The following NOX4 variants were observed in gnomAD, a reference collection of about 807,000 sequenced individuals.
NOX4 encodes NADPH oxidase 4.
Under a neutral mutation model 87.6 loss-of-function variants are expected in NOX4, and 69 were observed. The observed-to-expected ratio is 0.79, with a 90% CI of 0.65 to 0.96. The LOEUF (loss-of-function observed/expected upper bound fraction) is 0.96. NOX4 is among the 40% of genes least tolerant of loss of function. The probability of loss-of-function intolerance (pLI) is 0.00; values close to 1 mark genes in which losing one functional copy is unlikely to be tolerated. For missense variants in NOX4, 680 were observed against 681.5 expected (o/e 1.00, Z 0.02); for synonymous variants, 275 against 238.2 (o/e 1.15, Z -1.42).
intron 15 of NOX4, among the ~76,000 whole-genome samples, chr11:89,337,743 G>T (rs1293798553): frequency 6.6e-6 from 1 of 151,966 alleles, no homozygotes; most frequent in Non-Finnish European, 1.5e-5. Flanking sequence ...TGGTGGTAGT[G>T]GTAGGGAATA....
At chr11:89,497,399 C>T (rs1434498862) in intron 1 of NOX4, among the ~76,000 whole-genome samples, 14 of 65,312 alleles carry the variant, frequency 2.1e-4, no homozygotes, top group African/African-American at 5.7e-4. Flanking sequence ...TATGATTGGA[C>T]TTCTATAGTC....
chr11:89,496,922 G>C (rs1591385645), upstream of NOX4, among the ~76,000 whole-genome samples: 1 of 152,120 alleles, frequency 6.6e-6, no homozygotes, highest in Admixed American at 6.5e-5. Flanking sequence ...ACAGAACTGA[G>C]GCATATGCAC....
the NOX4 span, among the ~76,000 whole-genome samples, chr11:89,554,277 T>A: frequency 6.6e-6 from 1 of 152,228 alleles, no homozygotes; most frequent in South Asian, 2.1e-4. Flanking sequence ...TGAAAAATTC[T>A]TTTCACCATG....
At chr11:89,470,790 T>A (rs1167469320) in intron 2 of NOX4, among the ~76,000 whole-genome samples, 2 of 152,192 alleles carry the variant, frequency 1.3e-5, no homozygotes, top group Non-Finnish European at 2.9e-5. Context: ...ACCATTAGGC[T>A]ACTTGGCTAC....
intron 17 of NOX4, among the ~76,000 whole-genome samples, chr11:89,335,577 T>C (rs565863760): frequency 2.0e-5 from 3 of 151,908 alleles, no homozygotes; most frequent in South Asian, 2.1e-4. Context: ...ATTTTTAATA[T>C]AGGCCTATAC....
chr11:89,405,474 G>C (rs1030145793), intron 8 of NOX4, among the ~76,000 whole-genome samples: 10 of 151,652 alleles, frequency 6.6e-5, no homozygotes, highest in Non-Finnish European at 1.3e-4. Flanking sequence ...TTTATTTCAA[G>C]ACTATAGTAA....
chr11:89,442,478 T>C (rs1043264580), intron 5 of NOX4, among the ~76,000 whole-genome samples: 3 of 152,114 alleles, frequency 2.0e-5, no homozygotes, highest in African/African-American at 7.2e-5. Flanking sequence ...TCTAAATGTC[T>C]GAATAAGAAA....
chr11:89,353,291 G>A (rs1290458368), intron 13 of NOX4, among the ~76,000 whole-genome samples: 2 of 152,122 alleles, frequency 1.3e-5, no homozygotes, highest in African/African-American at 4.8e-5. Context: ...AAAAGGAAGA[G>A]CCAACTGATG....
the NOX4 span, among the ~76,000 whole-genome samples, chr11:89,583,287 C>T: frequency 6.6e-6 from 1 of 151,936 alleles, no homozygotes; most frequent in Admixed American, 6.6e-5. Flanking sequence ...TGCATAAACT[C>T]AGGTGAAACT....
chr11:89,496,227 C>A (rs1946948368), upstream of NOX4, among the ~76,000 whole-genome samples: 1 of 152,188 alleles, frequency 6.6e-6, no homozygotes, highest in Admixed American at 6.5e-5. Flanking sequence ...CGTGCACCCA[C>A]ATGGCTGGGT....
chr11:89,387,049 TC>T (rs1253950075), intron 11 of NOX4, among the ~76,000 whole-genome samples: 3 of 152,032 alleles, frequency 2.0e-5, no homozygotes, highest in African/African-American at 7.2e-5. Flanking sequence ...CACTCTAGAT[TC>T]CCATGCCACC....
intron 11 of NOX4, among the ~76,000 whole-genome samples, chr11:89,381,145 G>C (rs529687182): frequency 1.6e-4 from 25 of 152,128 alleles, no homozygotes; most frequent in African/African-American, 2.4e-4. Context: ...GTAGAAAAAT[G>C]ATGGCTAGTG....
the NOX4 span, among the ~76,000 whole-genome samples, chr11:89,565,487 T>G: frequency 6.6e-6 from 1 of 152,140 alleles, no homozygotes; most frequent in Non-Finnish European, 1.5e-5. Context: ...TTTTTCCTCT[T>G]GCCTTCCTGT....
chr11:89,449,760 T>TA (rs559080951), intron 3 of NOX4, among the ~76,000 whole-genome samples: 1 of 150,884 alleles, frequency 6.6e-6, no homozygotes, highest in Non-Finnish European at 1.5e-5. Flanking sequence ...ATTGTTAGGT[T>TA]AAAAAAAAAG....
chr11:89,489,008 T>C (rs1946739818), intron 2 of NOX4: 1 of 702,262 alleles, frequency 1.4e-6, no homozygotes, highest in Non-Finnish European at 2.6e-6. Flanking sequence ...ATTGGATGGA[T>C]GAAAGAAATA....
the NOX4 span, among the ~76,000 whole-genome samples, chr11:89,584,251 A>ATTTTGGAGGCAG: frequency 6.6e-6 from 1 of 152,164 alleles, no homozygotes; most frequent in Non-Finnish European, 1.5e-5. Context: ...CCTTAAATGA[A>ATTTTGGAGGCAG]AACTAAATAT....
the NOX4 span, among the ~76,000 whole-genome samples, chr11:89,570,889 G>T: frequency 6.6e-6 from 1 of 152,180 alleles, no homozygotes; most frequent in African/African-American, 2.4e-5. Flanking sequence ...TTGTCAACAT[G>T]CCACACCCTA....
chr11:89,580,245 C>CA, the NOX4 span, among the ~76,000 whole-genome samples: 1 of 152,238 alleles, frequency 6.6e-6, no homozygotes, highest in African/African-American at 2.4e-5. Context: ...AGTGCAGTGG[C>CA]ATGATTATAG....
In NOX4 at chr11:89,324,627, G is replaced by T. The variant is rs1160362990; in HGVS notation, c.*2129C>A. On this transcript the variant is annotated 3_prime_UTR_variant, in exon 18 of 18. Coordinates refer to ENST00000263317, the MANE Select transcript of NOX4 (RefSeq NM_016931.5). ...CTTCTACCTGTTTTAATGAAATTAGGTCTATTAATATGATCGCATAAATAA... is the reference window on the plus strand; with the variant it reads ...CTTCTACCTGTTTTAATGAAATTAGTTCTATTAATATGATCGCATAAATAA... 1 of 152,102 alleles carries T rather than the reference G, an allele frequency of 6.6e-6. No individual in the cohort carries two copies. The highest frequency in any genetic ancestry group is 1.5e-5 in the Non-Finnish European group (1 of 68,030). 9.4% of individuals were successfully genotyped at this position (152,102 alleles called of 1,614,324 possible). A position where few individuals can be genotyped will look rare whatever the true frequency, so the allele number is the denominator to read the frequency against.
Sources: gnomAD v4.1 joint callset for allele counts (sites outside exome capture counted in the v4.1 genomes callset) on GRCh38, gnomAD v4.1.1 for gene constraint, MANE v1.5 for transcripts, NCBI Gene and HGNC (gene_info 2026-07-23, HGNC 2026-07-21) for gene names.